The following SLC44A5 variants were observed in gnomAD, a reference collection of about 807,000 sequenced individuals.
The protein encoded by SLC44A5 is choline transporter-like protein 5.
Under a neutral mutation model 101.8 loss-of-function variants are expected in SLC44A5, and 57 were observed. The observed-to-expected ratio is 0.56, with a 90% CI of 0.45 to 0.70. SLC44A5 has a LOEUF of 0.70. Among genes scored for constraint, SLC44A5 ranks in the 30% least tolerant of loss-of-function variants. The probability of loss-of-function intolerance (pLI) is 0.00; values close to 1 mark genes in which losing one functional copy is unlikely to be tolerated. For missense variants in SLC44A5, 737 were observed against 853.1 expected, an observed-to-expected ratio of 0.86 and a Z score of 1.70; for synonymous variants, 281 against 290.9, an observed-to-expected ratio of 0.97 and a Z score of 0.35.
intron 3 of SLC44A5, among the ~76,000 whole-genome samples, chr1:75,396,268 CAT>C (rs766213840): frequency 1.2e-4 from 18 of 152,190 alleles, no homozygotes; most frequent in South Asian, 2.1e-4. Context: ...GAACAAGACT[CAT>C]GTGTCAAAGT....
chr1:75,653,309 T>A, the SLC44A5 span, among the ~76,000 whole-genome samples: 1 of 151,980 alleles, frequency 6.6e-6, no homozygotes, highest in Non-Finnish European at 1.5e-5. Flanking sequence ...TGGTGAAACC[T>A]CATCGCTACT....
At chr1:75,312,326 GT>G (rs1263502553) in intron 4 of SLC44A5, among the ~76,000 whole-genome samples, 1 of 152,146 alleles carries the variant, frequency 6.6e-6, no homozygotes, top group Admixed American at 6.5e-5. Flanking sequence ...AATACAGCCA[GT>G]GTGGATGCAA....
At chr1:75,290,100 G>A (rs1653410671) in intron 5 of SLC44A5, among the ~76,000 whole-genome samples, 1 of 152,164 alleles carries the variant, frequency 6.6e-6, no homozygotes, top group African/African-American at 2.4e-5. Context: ...TTGATAACAT[G>A]GACTTGTACT....
the SLC44A5 span, among the ~76,000 whole-genome samples, chr1:75,685,590 A>C: frequency 9.1e-3 from 1,388 of 152,280 alleles, 8 homozygotes; most frequent in Middle Eastern, 0.02. Context: ...TATCACTGTC[A>C]GCATCTTGGT....
chr1:75,314,337 A>G (rs891347282), intron 4 of SLC44A5, among the ~76,000 whole-genome samples: 1 of 152,136 alleles, frequency 6.6e-6, no homozygotes, highest in Non-Finnish European at 1.5e-5. Context: ...ATCCAATGCT[A>G]TCTTGCATGG....
At chr1:75,619,081 G>GCA in the SLC44A5 span, among the ~76,000 whole-genome samples, 4 of 19,646 alleles carry the variant, frequency 2.0e-4, no homozygotes, top group Admixed American at 1.2e-3. Context: ...AAAAAAAAAG[G>GCA]GGGGGGGGAA....
intron 2 of SLC44A5, among the ~76,000 whole-genome samples, chr1:75,494,288 T>C (rs1668562092): frequency 6.6e-6 from 1 of 152,118 alleles, no homozygotes; most frequent in Middle Eastern, 3.2e-3. Flanking sequence ...AGCTATTCTG[T>C]TATAGCAACA....
chr1:75,220,022 G>T, intron 14 of SLC44A5, 130 bp from the exon 15 acceptor site: 1 of 513,982 alleles, frequency 1.9e-6, no homozygotes, highest in Non-Finnish European at 3.4e-6. Flanking sequence ...ATTCTCAGTT[G>T]GTTTTACATT....
chr1:75,614,104 C>T (rs543371054), upstream of SLC44A5, among the ~76,000 whole-genome samples: 1 of 152,218 alleles, frequency 6.6e-6, no homozygotes, highest in African/African-American at 2.4e-5. Flanking sequence ...AAAACCAATC[C>T]TTCTGTTTCA....
At chr1:75,353,040 A>T (rs1236945831) in intron 3 of SLC44A5, among the ~76,000 whole-genome samples, 1 of 152,140 alleles carries the variant, frequency 6.6e-6, no homozygotes, top group Non-Finnish European at 1.5e-5. Context: ...CTTTATATAG[A>T]TGGAATCAGA....
At chr1:75,705,551 GATTT>G in the SLC44A5 span, among the ~76,000 whole-genome samples, 13 of 152,048 alleles carry the variant, frequency 8.5e-5, no homozygotes, top group Non-Finnish European at 1.9e-4. Flanking sequence ...TGCATTCTCT[GATTT>G]TTTTAAATAT....
intron 3 of SLC44A5, among the ~76,000 whole-genome samples, chr1:75,341,387 C>T (rs1657865814): frequency 6.6e-6 from 1 of 152,044 alleles, no homozygotes; most frequent in Admixed American, 6.6e-5. Flanking sequence ...AAGGCTGAGG[C>T]ATGAGAATCC....
chr1:75,314,036 T>C (rs1655507774), intron 4 of SLC44A5, among the ~76,000 whole-genome samples: 1 of 152,232 alleles, frequency 6.6e-6, no homozygotes, highest in East Asian at 1.9e-4. Context: ...TGAATGATGA[T>C]ATTAATTTCC....
chr1:75,282,251 C>G (rs904803634), intron 5 of SLC44A5, among the ~76,000 whole-genome samples: 1 of 152,210 alleles, frequency 6.6e-6, no homozygotes, highest in African/African-American at 2.4e-5. Flanking sequence ...GGATTACAGA[C>G]TTGCATGGGG....
rs1648339145 is a variant in SLC44A5 at position 75,238,595 on chromosome 1, T to C, written c.574A>G (p.Thr192Ala). The C allele has an allele frequency of 6.3e-7, 1 of 1,587,216 alleles. No homozygotes were observed. The highest frequency in any genetic ancestry group is 8.6e-7 in the Non-Finnish European group (1 of 1,165,322). Residue 192 changes from threonine to alanine, a missense_variant, in exon 10 of 24, where the codon ACT becomes GCT. Thr to Ala is a moderately conservative substitution (Grantham distance 58). This residue lies in a region of SLC44A5 where 665 missense variants were observed against 764.4 expected (regional missense o/e 0.87). Transcript: ENST00000370859. ...CFPDFSTKNG[T>A]LTIGSKMMFQ... Reference sequence around the variant, plus strand: ...ATCATCTTACTTCCTATTGTTAAAGTGCCATTTTTGGTAGAGAAGTCAGGG... The same window carrying C: ...ATCATCTTACTTCCTATTGTTAAAGCGCCATTTTTGGTAGAGAAGTCAGGG...
chr1:75,206,986 TC>T (rs1292288915), intron 23 of SLC44A5, among the ~76,000 whole-genome samples: 4 of 152,270 alleles, frequency 2.6e-5, no homozygotes, highest in African/African-American at 9.6e-5. Flanking sequence ...ATATTCTATG[TC>T]CCTTCAAAAA....
intron 2 of SLC44A5, among the ~76,000 whole-genome samples, chr1:75,401,919 C>A (rs1368553290): frequency 1.3e-5 from 2 of 151,982 alleles, no homozygotes; most frequent in Non-Finnish European, 2.9e-5. Flanking sequence ...TTCTAGCAGA[C>A]AAAATTTCAA....
the SLC44A5 span, among the ~76,000 whole-genome samples, chr1:75,695,906 G>A: frequency 6.6e-6 from 1 of 150,730 alleles, no homozygotes; most frequent in Non-Finnish European, 1.5e-5. Flanking sequence ...TGACATTAGA[G>A]AATGGGGAAC....
At chr1:75,221,730 A>T (rs1647085682) in intron 14 of SLC44A5, among the ~76,000 whole-genome samples, 1 of 152,196 alleles carries the variant, frequency 6.6e-6, no homozygotes, top group Non-Finnish European at 1.5e-5. Flanking sequence ...ACTTTTATAT[A>T]GCACTTTATC....
Sources: allele counts gnomAD v4.1 joint callset (sites outside exome capture counted in the v4.1 genomes callset), GRCh38; gene constraint gnomAD v4.1.1; regional missense constraint gnomAD v4.1.1; transcripts MANE v1.5; gene names NCBI Gene and HGNC (gene_info 2026-07-23, HGNC 2026-07-21).